The following OTUD7B variants were observed in gnomAD, a reference collection of about 807,000 sequenced individuals.
OTUD7B encodes the protein OTU deubiquitinase 7B, also known as OTU domain-containing protein 7B.
In OTUD7B, 34 loss-of-function variants were observed where a neutral mutation model predicts 82.2. The ratio of observed to expected loss-of-function variants is 0.41; its 90% CI spans 0.31 to 0.55. The LOEUF (loss-of-function observed/expected upper bound fraction) is 0.55, where lower values mean the gene tolerates loss of function less well. Among genes scored for constraint, OTUD7B ranks in the 20% least tolerant of loss-of-function variants. The pLI is 0.20. For synonymous variants in OTUD7B, 398 were observed against 402.7 expected, an observed-to-expected ratio of 0.99 and a Z score of 0.14; for missense variants, 944 against 1,062.1, an observed-to-expected ratio of 0.89 and a Z score of 1.55.
intron 8 of OTUD7B, 37 bp from the exon 9 acceptor site, chr1:149,949,815 T>C (rs958882356): frequency 1.9e-6 from 3 of 1,595,480 alleles, no homozygotes; most frequent in Non-Finnish European, 2.6e-6. Context: ...GAAGGCTGTG[T>C]TTCTGCCTAG....
intron 2 of OTUD7B, among the ~76,000 whole-genome samples, chr1:149,973,599 C>T (rs1650079341): frequency 6.6e-6 from 1 of 151,774 alleles, no homozygotes; most frequent in Non-Finnish European, 1.5e-5. Context: ...AATTCTCCTG[C>T]CTCAGCCTCT....
chr1:149,954,258 G>A (rs1242018122), intron 7 of OTUD7B, among the ~76,000 whole-genome samples: 1 of 152,104 alleles, frequency 6.6e-6, no homozygotes, highest in South Asian at 2.1e-4. Context: ...TAGCATGAAG[G>A]GCTGTTGAAT....
intron 1 of OTUD7B, among the ~76,000 whole-genome samples, chr1:149,982,159 A>C (rs1013032526): frequency 6.7e-6 from 1 of 148,394 alleles, no homozygotes; most frequent in Middle Eastern, 3.4e-3. Context: ...TAAATAAATA[A>C]ATAAATAAAT....
the OTUD7B span, among the ~76,000 whole-genome samples, chr1:150,018,495 A>G: frequency 6.6e-6 from 1 of 152,166 alleles, no homozygotes; most frequent in Admixed American, 6.5e-5. Flanking sequence ...TGCTGCAGCT[A>G]GTGTCATACT....
intron 7 of OTUD7B, among the ~76,000 whole-genome samples, chr1:149,950,525 A>C (rs1648111170): frequency 6.6e-6 from 1 of 152,114 alleles, no homozygotes; most frequent in Non-Finnish European, 1.5e-5. Context: ...GCCTCTCTCC[A>C]TTCTCTTCAT....
chr1:149,997,048 A>C (rs1460979581), intron 1 of OTUD7B, among the ~76,000 whole-genome samples: 2 of 152,220 alleles, frequency 1.3e-5, no homozygotes, highest in Non-Finnish European at 2.9e-5. Flanking sequence ...GAAGCAGCTG[A>C]GTTCCTAGTC....
At chr1:149,997,459 A>T (rs1651992340) in intron 1 of OTUD7B, among the ~76,000 whole-genome samples, 1 of 152,168 alleles carries the variant, frequency 6.6e-6, no homozygotes, top group African/African-American at 2.4e-5. Context: ...TCTTCCTTTT[A>T]CTAAAAAAAA....
chr1:150,049,018 A>G, the OTUD7B span, among the ~76,000 whole-genome samples: 1 of 151,746 alleles, frequency 6.6e-6, no homozygotes, highest in Admixed American at 6.6e-5. Context: ...TTTTTTTTTC[A>G]GTAGAGATGA....
the OTUD7B span, among the ~76,000 whole-genome samples, chr1:150,024,394 G>A: frequency 0.046 from 7,068 of 152,192 alleles, 572 homozygotes; most frequent in African/African-American, 0.16. Flanking sequence ...AGCTTAAATA[G>A]GAAGAGAACA....
upstream of OTUD7B, among the ~76,000 whole-genome samples, chr1:150,013,919 T>G (rs1553787897): frequency 6.6e-5 from 1 of 15,078 alleles, no homozygotes; most frequent in African/African-American, 4.4e-4. Flanking sequence ...AGACTCTGTC[T>G]CAAAAAAAAA....
rs1647376690 is a variant in OTUD7B, at chr1:149,943,155, C to G, written c.*702G>C. The G allele has an allele frequency of 6.6e-6, 1 of 152,482 alleles. No homozygotes were observed. 9.4% of individuals were successfully genotyped at this position (152,482 alleles called of 1,614,324 possible). A position where few individuals can be genotyped will look rare whatever the true frequency, so the allele number is the denominator to read the frequency against. ...AAAGACAGGGGGTAATCAGCAATCT[C>G]TTCTCAAACTGTAACAGATGACATA... On this transcript the variant is annotated 3_prime_UTR_variant, in exon 12 of 12. Coordinates refer to ENST00000581312, the MANE Select transcript of OTUD7B (RefSeq NM_020205.4).
chr1:149,956,586 G>T (rs927060682), intron 7 of OTUD7B, among the ~76,000 whole-genome samples: 1 of 152,176 alleles, frequency 6.6e-6, no homozygotes, highest in Non-Finnish European at 1.5e-5. Flanking sequence ...GGCCTGCCTT[G>T]CTAGGTTGGG....
chr1:150,020,700 T>C, the OTUD7B span, among the ~76,000 whole-genome samples: 2 of 152,234 alleles, frequency 1.3e-5, no homozygotes, highest in Non-Finnish European at 2.9e-5. Flanking sequence ...GAAAATATGT[T>C]TCTCTGCTAT....
chr1:150,018,343 G>C, the OTUD7B span, among the ~76,000 whole-genome samples: 1 of 152,158 alleles, frequency 6.6e-6, no homozygotes, highest in Non-Finnish European at 1.5e-5. Context: ...GGCAGAAAGA[G>C]GTCCCAAGTG....
At chr1:149,992,789 A>G (rs1651682754) in intron 1 of OTUD7B, among the ~76,000 whole-genome samples, 2 of 152,150 alleles carry the variant, frequency 1.3e-5, no homozygotes, top group Admixed American at 6.5e-5. Flanking sequence ...AATTTTGAAC[A>G]GGACAAAACA....
intron 1 of OTUD7B, among the ~76,000 whole-genome samples, chr1:149,993,259 C>G (rs1229533604): frequency 6.6e-6 from 1 of 152,220 alleles, no homozygotes; most frequent in East Asian, 1.9e-4. Flanking sequence ...GAGGAAGGCC[C>G]ACCATCAGTA....
At chr1:149,964,393 T>C in intron 5 of OTUD7B, 44 bp from the exon 6 acceptor site, 1 of 1,590,292 alleles carries the variant, frequency 6.3e-7, no homozygotes, top group Non-Finnish European at 8.6e-7. Context: ...AGCTTGACTC[T>C]GCTAATTTTT....
At chr1:150,044,211 T>A in the OTUD7B span, among the ~76,000 whole-genome samples, 6,097 of 11,498 alleles carry the variant, frequency 0.53, 417 homozygotes, top group African/African-American at 0.54. Flanking sequence ...AGGTTTATTT[T>A]ATTTTTTATT....
chr1:150,065,599 C>A, the OTUD7B span, among the ~76,000 whole-genome samples: 1 of 152,110 alleles, frequency 6.6e-6, no homozygotes, highest in Non-Finnish European at 1.5e-5. Context: ...ACTTCATATT[C>A]TGGATTTGCT....
Sources: gnomAD v4.1 joint callset for allele counts (sites outside exome capture counted in the v4.1 genomes callset) on GRCh38, gnomAD v4.1.1 for gene constraint, MANE v1.5 for transcripts, NCBI Gene and HGNC (gene_info 2026-07-23, HGNC 2026-07-21) for gene names.